The following SDK1 variants were observed in gnomAD, a reference collection of about 807,000 sequenced individuals.
SDK1 encodes the protein sidekick cell adhesion molecule 1.
In SDK1, 157 loss-of-function variants were observed where a neutral mutation model predicts 245.5. The observed-to-expected ratio is 0.64, with a 90% CI of 0.56 to 0.73. The LOEUF is 0.73. Ranked by LOEUF, SDK1 falls within the 30% of genes least tolerant of loss-of-function variation. The pLI, the probability that SDK1 is intolerant of heterozygous loss-of-function variation, is 0.00. For missense variants in SDK1, 3,583 were observed against 3,002.3 expected (o/e 1.19, Z -4.52); for synonymous variants, 1,647 against 1,278.5 (o/e 1.29, Z -6.15).
chr7:3,625,716 G>C (rs1444578287), intron 2 of SDK1, among the ~76,000 whole-genome samples: 1 of 152,152 alleles, frequency 6.6e-6, no homozygotes, highest in African/African-American at 2.4e-5. Flanking sequence ...ATGGTTATTA[G>C]CCTTCATTTC....
At chr7:4,090,965 A>G (rs754389961) in intron 22 of SDK1, among the ~76,000 whole-genome samples, 1 of 152,118 alleles carries the variant, frequency 6.6e-6, no homozygotes, top group Non-Finnish European at 1.5e-5. Context: ...TTTTTGCTGA[A>G]TTCCACTCTA....
intron 1 of SDK1, among the ~76,000 whole-genome samples, chr7:3,458,018 G>A (rs1454140344): frequency 1.3e-5 from 2 of 152,134 alleles, no homozygotes; most frequent in African/African-American, 4.8e-5. Context: ...ATTGCCCTTT[G>A]CCTTATAGCC....
At chr7:3,514,841 A>G (rs1327221912) in intron 1 of SDK1, among the ~76,000 whole-genome samples, 1 of 152,224 alleles carries the variant, frequency 6.6e-6, no homozygotes, top group Non-Finnish European at 1.5e-5. Context: ...GGGCAGTGTA[A>G]CAATCTTTGC....
At chr7:4,007,558 C>T (rs553614701) in intron 14 of SDK1, among the ~76,000 whole-genome samples, 11 of 151,974 alleles carry the variant, frequency 7.2e-5, no homozygotes, top group Non-Finnish European at 1.5e-4. Context: ...ATTTCATACT[C>T]GGGGAGTCTT....
intron 25 of SDK1, among the ~76,000 whole-genome samples, chr7:4,125,110 G>A (rs1784299333): frequency 6.9e-6 from 1 of 144,896 alleles, no homozygotes; most frequent in Non-Finnish European, 1.5e-5. Context: ...GTGAATGGAT[G>A]GATGGGTGAA....
chr7:3,303,015 C>CT (rs201560736), intron 1 of SDK1, among the ~76,000 whole-genome samples: 6 of 151,780 alleles, frequency 4.0e-5, no homozygotes, highest in Non-Finnish European at 7.4e-5. Context: ...CGAACTCATA[C>CT]TTTTTTTTAT....
At chr7:3,436,056 G>C (rs1171930425) in intron 1 of SDK1, among the ~76,000 whole-genome samples, 2 of 152,192 alleles carry the variant, frequency 1.3e-5, no homozygotes, top group African/African-American at 2.4e-5. Flanking sequence ...TTATTTTAAA[G>C]AGTTTAAATC....
intron 17 of SDK1, among the ~76,000 whole-genome samples, chr7:4,025,478 G>A (rs1233274017): frequency 6.6e-6 from 1 of 152,150 alleles, no homozygotes; most frequent in Non-Finnish European, 1.5e-5. Flanking sequence ...CAGAGAAGGG[G>A]TTCCTGGGAC....
chr7:3,359,698 C>G (rs1780901621), intron 1 of SDK1, among the ~76,000 whole-genome samples: 2 of 152,076 alleles, frequency 1.3e-5, no homozygotes, highest in African/African-American at 4.8e-5. Context: ...TGAGGATGCT[C>G]GAGCTGTATC....
chr7:3,783,306 C>A (rs958477821), intron 4 of SDK1, among the ~76,000 whole-genome samples: 9 of 152,228 alleles, frequency 5.9e-5, no homozygotes, highest in African/African-American at 2.2e-4. Context: ...CATAGACAAA[C>A]ATGCCTATTC....
chr7:3,767,596 A>C (rs1300885926), intron 4 of SDK1, among the ~76,000 whole-genome samples: 1 of 152,204 alleles, frequency 6.6e-6, no homozygotes, highest in African/African-American at 2.4e-5. Flanking sequence ...GTGCCAGCTC[A>C]TTCCATTCTC....
At chr7:3,984,149 A>C (rs954430926) in intron 13 of SDK1, among the ~76,000 whole-genome samples, 9 of 152,128 alleles carry the variant, frequency 5.9e-5, no homozygotes, top group Non-Finnish European at 1.3e-4. Context: ...GGCAGGGGGA[A>C]AATCTGAAAC....
In SDK1 at chr7:3,435,619, C is replaced by G. The variant is rs1780000468; in HGVS notation, c.298+133735C>G. 3.9e-5 allele frequency among the ~76,000 whole-genome samples: 6 copies of G among 152,174 alleles called. No homozygotes were observed. In the South Asian group the frequency reaches 1.2e-3, roughly 32 times the overall value. ...AGCTCAGGCAATCCGCCCGCTTCGG[C>G]CTCCCAAAGTGCTGGGATTACAGGA... is the stretch of plus-strand genomic sequence containing the variant. On this transcript the variant is annotated intron_variant, in intron 1 of 44. Transcript: ENST00000404826.
intron 28 of SDK1, among the ~76,000 whole-genome samples, chr7:4,139,439 G>T (rs1247170536): frequency 2.6e-5 from 2 of 76,716 alleles, no homozygotes; most frequent in Non-Finnish European, 5.7e-5. Context: ...GTATATATGT[G>T]TGTGTATATG....
intron 4 of SDK1, among the ~76,000 whole-genome samples, chr7:3,748,299 T>G (rs1354071876): frequency 6.6e-6 from 1 of 152,238 alleles, no homozygotes; most frequent in Non-Finnish European, 1.5e-5. Flanking sequence ...ATAGTTCCTT[T>G]ATTTCCCGGA....
intron 19 of SDK1, among the ~76,000 whole-genome samples, chr7:4,053,242 T>C (rs931028330): frequency 5.3e-5 from 8 of 152,112 alleles, no homozygotes; most frequent in African/African-American, 1.7e-4. Context: ...GCTCCCGTTT[T>C]TGGACTCCCA....
chr7:3,584,015 G>A (rs1166813905), intron 1 of SDK1, among the ~76,000 whole-genome samples: 1 of 152,150 alleles, frequency 6.6e-6, no homozygotes, highest in Non-Finnish European at 1.5e-5. Context: ...TTCTGGGAGG[G>A]AACGGAATGC....
intron 22 of SDK1, among the ~76,000 whole-genome samples, chr7:4,101,916 C>T (rs543274233): frequency 6.6e-6 from 1 of 152,160 alleles, no homozygotes; most frequent in East Asian, 1.9e-4. Flanking sequence ...ATCGAGAGAG[C>T]CAGCACCCCA....
At chr7:3,651,012 C>A (rs12533563) in intron 4 of SDK1, among the ~76,000 whole-genome samples, 1 of 151,630 alleles carries the variant, frequency 6.6e-6, no homozygotes. Flanking sequence ...AATAAAGTTG[C>A]TATAAACATT....
Sources: gnomAD v4.1 joint callset for allele counts (sites outside exome capture counted in the v4.1 genomes callset) on GRCh38, gnomAD v4.1.1 for gene constraint, MANE v1.5 for transcripts, NCBI Gene and HGNC (gene_info 2026-07-23, HGNC 2026-07-21) for gene names.